The following CCNY variants were observed in gnomAD, a reference collection of about 807,000 sequenced individuals.
CCNY encodes cyclin-Y.
Under a neutral mutation model 42.8 loss-of-function variants are expected in CCNY, and 19 were observed. The ratio of observed to expected loss-of-function variants is 0.44; its 90% CI spans 0.31 to 0.65. CCNY has a LOEUF of 0.65. CCNY is among the 30% of genes least tolerant of loss of function. The probability of loss-of-function intolerance (pLI) is 0.07; values close to 1 mark genes in which losing one functional copy is unlikely to be tolerated. For missense variants in CCNY, 370 were observed against 437.3 expected, an observed-to-expected ratio of 0.85 and a Z score of 1.37; for synonymous variants, 165 against 162.7, an observed-to-expected ratio of 1.01 and a Z score of -0.11.
intron 1 of CCNY, among the ~76,000 whole-genome samples, chr10:35,365,760 G>T (rs926472540): frequency 7.9e-5 from 12 of 152,154 alleles, no homozygotes; most frequent in Non-Finnish European, 1.6e-4. Flanking sequence ...GCTATAAAAG[G>T]TATTAACCTT....
At chr10:35,404,297 C>G (rs879296169) in intron 1 of CCNY, among the ~76,000 whole-genome samples, 1 of 152,118 alleles carries the variant, frequency 6.6e-6, no homozygotes, top group Non-Finnish European at 1.5e-5. Flanking sequence ...GGTCCTGGTT[C>G]TTGTGTAAGA....
intron 7 of CCNY, among the ~76,000 whole-genome samples, chr10:35,545,077 A>G (rs1019345062): frequency 6.6e-6 from 1 of 152,192 alleles, no homozygotes; most frequent in African/African-American, 2.4e-5. Flanking sequence ...AATCCTTGCC[A>G]TGTAGAAATG....
At chr10:35,479,725 A>G (rs895079547) in intron 1 of CCNY, among the ~76,000 whole-genome samples, 4 of 151,612 alleles carry the variant, frequency 2.6e-5, no homozygotes, top group Non-Finnish European at 5.9e-5. Flanking sequence ...AACCTGCACA[A>G]TGTGCACATG....
chr10:35,442,994 A>G (rs1297158640), intron 1 of CCNY, among the ~76,000 whole-genome samples: 2 of 152,224 alleles, frequency 1.3e-5, no homozygotes, highest in Non-Finnish European at 2.9e-5. Flanking sequence ...AGGTAATTTG[A>G]ACACAGTGGT....
chr10:35,383,709 C>G (rs1338983522), intron 1 of CCNY, among the ~76,000 whole-genome samples: 1 of 152,174 alleles, frequency 6.6e-6, no homozygotes, highest in Non-Finnish European at 1.5e-5. Context: ...TGTTAAGCTA[C>G]CTGACCCCTC....
chr10:35,391,510 A>C lies in CCNY; in HGVS notation c.154+54303A>C, dbSNP rs115112255. 4.5e-3 allele frequency among the ~76,000 whole-genome samples: 686 copies of C among 152,294 alleles called. 6 individuals carry two copies. Among genetic ancestry groups the C allele is most frequent in the African/African-American group, 0.016 (654 of 41,538 alleles). On this transcript the variant is annotated intron_variant, in intron 1 of 9. Coordinates refer to ENST00000374704, the MANE Select transcript of CCNY (RefSeq NM_145012.6). ...GACTGGCCGGAAGGTTGTTTACTGAACCTAGAAGCAAGTGGGCGATGAGAA... is the reference window on the plus strand; with the variant it reads ...GACTGGCCGGAAGGTTGTTTACTGACCCTAGAAGCAAGTGGGCGATGAGAA...
At chr10:35,379,548 A>G (rs2135189719) in intron 1 of CCNY, among the ~76,000 whole-genome samples, 1 of 152,358 alleles carries the variant, frequency 6.6e-6, no homozygotes, top group East Asian at 1.9e-4. Context: ...TGAGTGAGCT[A>G]CTGGCAGAAC....
chr10:35,337,653 C>T (rs1277264731), intron 1 of CCNY, among the ~76,000 whole-genome samples: 1 of 152,212 alleles, frequency 6.6e-6, no homozygotes, highest in Non-Finnish European at 1.5e-5. Flanking sequence ...GTGTCTCCAA[C>T]CTCGAGTTGG....
intron 9 of CCNY, among the ~76,000 whole-genome samples, 174 bp from the exon 10 acceptor site, chr10:35,568,880 C>T (rs1259931016): frequency 6.6e-6 from 1 of 152,276 alleles, no homozygotes; most frequent in Non-Finnish European, 1.5e-5. Flanking sequence ...AGAGCTGAGT[C>T]CACACTCCCT....
chr10:35,396,306 C>T (rs1347767777), intron 1 of CCNY, among the ~76,000 whole-genome samples: 1 of 152,124 alleles, frequency 6.6e-6, no homozygotes, highest in Non-Finnish European at 1.5e-5. Context: ...ATTCTCACAC[C>T]TTCCCAAAGC....
intron 1 of CCNY, among the ~76,000 whole-genome samples, chr10:35,343,064 G>A (rs971754958): frequency 3.4e-5 from 5 of 148,036 alleles, no homozygotes; most frequent in South Asian, 2.1e-4. Flanking sequence ...GTGCAGTGGC[G>A]CGATCTTGGC....
At chr10:35,471,689 TCA>T (rs1297185470) in intron 1 of CCNY, among the ~76,000 whole-genome samples, 1 of 152,160 alleles carries the variant, frequency 6.6e-6, no homozygotes, top group Non-Finnish European at 1.5e-5. Flanking sequence ...AGTTGTCACC[TCA>T]GAGTCTGGCA....
chr10:35,298,821 CTTGTTG>C (rs1246010944), intron 3 of CCNY, among the ~76,000 whole-genome samples: 1 of 152,130 alleles, frequency 6.6e-6, no homozygotes, highest in Non-Finnish European at 1.5e-5. Context: ...TGCACCTGGC[CTTGTTG>C]TTGTTGTTTT....
At chr10:35,393,696 T>C (rs984165278) in intron 1 of CCNY, among the ~76,000 whole-genome samples, 2 of 152,176 alleles carry the variant, frequency 1.3e-5, no homozygotes, top group African/African-American at 4.8e-5. Context: ...TCAGTAGATT[T>C]CCAGGCCATT....
intron 7 of CCNY, among the ~76,000 whole-genome samples, chr10:35,548,077 T>C (rs577331672): frequency 6.6e-6 from 1 of 152,184 alleles, no homozygotes; most frequent in African/African-American, 2.4e-5. Flanking sequence ...CCCTGCACAG[T>C]TGAAAATCCA....
intron 1 of CCNY, among the ~76,000 whole-genome samples, chr10:35,356,258 TTTG>T (rs1298911066): frequency 6.6e-6 from 1 of 152,184 alleles, no homozygotes; most frequent in African/African-American, 2.4e-5. Context: ...AGTTTTCATT[TTTG>T]TTCTTGGAGT....
chr10:35,370,801 C>T (rs555592150), intron 1 of CCNY, among the ~76,000 whole-genome samples: 6 of 151,656 alleles, frequency 4.0e-5, no homozygotes, highest in African/African-American at 9.7e-5. Flanking sequence ...CTACAAGCTC[C>T]GCCTCCTGGG....
chr10:35,496,730 A>G (rs912349433), intron 2 of CCNY, among the ~76,000 whole-genome samples: 4 of 152,234 alleles, frequency 2.6e-5, no homozygotes, highest in Admixed American at 6.5e-5. Context: ...ATGCCTACCT[A>G]TGACAGGAAT....
intron 3 of CCNY, among the ~76,000 whole-genome samples, chr10:35,257,553 T>C (rs951974833): frequency 6.6e-6 from 1 of 152,206 alleles, no homozygotes; most frequent in Non-Finnish European, 1.5e-5. Context: ...TTTAGCACTT[T>C]GCATACCTTG....
Sources: allele counts gnomAD v4.1 joint callset (sites outside exome capture counted in the v4.1 genomes callset), GRCh38; gene constraint gnomAD v4.1.1; transcripts MANE v1.5; gene names NCBI Gene and HGNC (gene_info 2026-07-23, HGNC 2026-07-21).